The following DTNB variants were observed in gnomAD, a reference collection of about 807,000 sequenced individuals.
DTNB encodes the protein DTN-B.
A neutral mutation model predicts 90.7 loss-of-function variants in DTNB; 63 were observed. The ratio of observed to expected loss-of-function variants is 0.69; its 90% CI spans 0.57 to 0.86. DTNB has a LOEUF of 0.86. DTNB is among the 40% of genes least tolerant of loss of function. The pLI is 0.00. For missense variants in DTNB, 744 were observed against 807.1 expected, an observed-to-expected ratio of 0.92 and a Z score of 0.95; for synonymous variants, 277 against 286.7, an observed-to-expected ratio of 0.97 and a Z score of 0.34.
chr2:25,378,592 G>A (rs911986427), intron 20 of DTNB, among the ~76,000 whole-genome samples: 11 of 152,034 alleles, frequency 7.2e-5, no homozygotes, highest in Admixed American at 6.5e-4. Flanking sequence ...TGGGAGGAGG[G>A]GAGGGAAGAC....
At chr2:25,584,016 G>A (rs1203871084) in intron 6 of DTNB, among the ~76,000 whole-genome samples, 1 of 152,096 alleles carries the variant, frequency 6.6e-6, no homozygotes, top group Admixed American at 6.5e-5. Flanking sequence ...CCAACCACGT[G>A]ATCTGGAGAA....
chr2:25,524,504 T>C (rs2076735827), intron 9 of DTNB, among the ~76,000 whole-genome samples: 1 of 151,596 alleles, frequency 6.6e-6, no homozygotes, highest in Non-Finnish European at 1.5e-5. Context: ...ATCTGAATTC[T>C]AGGTAGTATC....
chr2:25,578,655 T>C (rs7603364), intron 7 of DTNB, among the ~76,000 whole-genome samples: 3,244 of 152,228 alleles, frequency 0.021, 111 homozygotes, highest in African/African-American at 0.073. Context: ...AATTAACAAG[T>C]GTGTTGGGTC....
chr2:25,487,445 G>A (rs997782072), intron 9 of DTNB, among the ~76,000 whole-genome samples: 3 of 152,216 alleles, frequency 2.0e-5, no homozygotes, highest in African/African-American at 7.2e-5. Context: ...ATGCGCATAG[G>A]TTATATGCAA....
At chr2:25,618,016 A>T (rs942039238) in intron 4 of DTNB, among the ~76,000 whole-genome samples, 2 of 152,172 alleles carry the variant, frequency 1.3e-5, no homozygotes, top group African/African-American at 4.8e-5. Context: ...CACGTTACTT[A>T]TATTTTTCCC....
chr2:25,427,437 C>A, intron 15 of DTNB, 98 bp downstream of exon 15: 1 of 1,210,252 alleles, frequency 8.3e-7, no homozygotes, highest in Non-Finnish European at 1.2e-6. Flanking sequence ...AAAGTCAAGC[C>A]TTTGGCCTCA....
At chr2:25,646,793 G>A (rs904720657) in intron 2 of DTNB, among the ~76,000 whole-genome samples, 3 of 152,064 alleles carry the variant, frequency 2.0e-5, no homozygotes, top group Non-Finnish European at 2.9e-5. Flanking sequence ...GCTGCATCCC[G>A]ACTACCTTGG....
chr2:25,504,348 GAGGA>G (rs1332541362), intron 9 of DTNB, among the ~76,000 whole-genome samples: 12 of 145,794 alleles, frequency 8.2e-5, no homozygotes, highest in African/African-American at 3.0e-4. Context: ...AGGAAGGAAG[GAGGA>G]AGGAAGGAGG....
intron 16 of DTNB, among the ~76,000 whole-genome samples, chr2:25,398,517 T>G (rs928607681): frequency 6.6e-6 from 1 of 152,164 alleles, no homozygotes; most frequent in Non-Finnish European, 1.5e-5. Flanking sequence ...CTCACCAATA[T>G]GCATGGGCTT....
intron 8 of DTNB, among the ~76,000 whole-genome samples, chr2:25,572,082 G>A (rs565979133): frequency 3.3e-5 from 5 of 152,030 alleles, no homozygotes; most frequent in Admixed American, 6.6e-5. Context: ...CAATTCAGTC[G>A]GTGCATCCAG....
At chr2:25,635,844 C>CT (rs1032297015) in intron 3 of DTNB, among the ~76,000 whole-genome samples, 1 of 152,184 alleles carries the variant, frequency 6.6e-6, no homozygotes, top group Non-Finnish European at 1.5e-5. Context: ...CCTTGCCTGA[C>CT]ATCTAGATTT....
chr2:25,655,988 G>A (rs1397340088), intron 1 of DTNB, among the ~76,000 whole-genome samples: 1 of 151,940 alleles, frequency 6.6e-6, no homozygotes, highest in Non-Finnish European at 1.5e-5. Flanking sequence ...TTCTCAGTGG[G>A]AATACTGTGA....
intron 6 of DTNB, among the ~76,000 whole-genome samples, chr2:25,587,592 G>A (rs931651709): frequency 2.0e-5 from 3 of 152,098 alleles, no homozygotes; most frequent in African/African-American, 7.2e-5. Flanking sequence ...GGAAGCGGGG[G>A]GAAGGGGTGC....
intron 8 of DTNB, among the ~76,000 whole-genome samples, chr2:25,542,086 CTGTG>C: frequency 6.6e-6 from 1 of 152,116 alleles, no homozygotes; most frequent in African/African-American, 2.4e-5. Context: ...TGTTGTTGTT[CTGTG>C]TGTGTTTAGT....
intron 9 of DTNB, among the ~76,000 whole-genome samples, chr2:25,503,346 TAGAC>T (rs967956658): frequency 6.6e-6 from 1 of 151,770 alleles, no homozygotes; most frequent in Non-Finnish European, 1.5e-5. Flanking sequence ...TTTTAAAAAT[TAGAC>T]AGGTGTGGTA....
chr2:25,445,328 TTTTCTTCTATTCTGTTCCA>T (rs1222460072), intron 12 of DTNB, among the ~76,000 whole-genome samples: 2 of 152,230 alleles, frequency 1.3e-5, no homozygotes, highest in Admixed American at 6.5e-5. Flanking sequence ...TTCTCAGGCT[TTTTCTTCTATTCTGTTCCA>T]TTTCACTAAC....
chr2:25,513,036 G>A (rs1264575214), intron 9 of DTNB, among the ~76,000 whole-genome samples: 2 of 152,172 alleles, frequency 1.3e-5, no homozygotes, highest in Non-Finnish European at 2.9e-5. Context: ...AGATTAATTT[G>A]TTAGAAATAT....
rs555348290 is a variant in DTNB at position 25,419,300 on chromosome 2, A to C, written c.1575+215T>G. On this transcript the variant is annotated intron_variant, in intron 16 of 20. Transcript: ENST00000406818. ...TGCGCACAACAGATGGGTACTTACA[A>C]GCTCTGGTTTTAAGTAAGAACATGC... The C allele has an allele frequency of 6.0e-6, 4 of 670,724 alleles. No homozygotes were observed. The South Asian group carries it at 7.2e-5, about 12-fold the overall frequency. 41.5% of individuals were successfully genotyped at this position (670,724 alleles called of 1,614,324 possible). A position where few individuals can be genotyped will look rare whatever the true frequency, so the allele number is the denominator to read the frequency against.
chr2:25,664,689 A>C (rs11684202), intron 1 of DTNB, among the ~76,000 whole-genome samples: 1 of 151,996 alleles, frequency 6.6e-6, no homozygotes, highest in Non-Finnish European at 1.5e-5. Context: ...GCTCTTTTTA[A>C]AAGTAGGTGA....
Sources: gnomAD v4.1 joint callset for allele counts (sites outside exome capture counted in the v4.1 genomes callset) on GRCh38, gnomAD v4.1.1 for gene constraint, MANE v1.5 for transcripts, NCBI Gene and HGNC (gene_info 2026-07-23, HGNC 2026-07-21) for gene names.